NBEA: variants seen among roughly 807,000 people sequenced by gnomAD.
NBEA encodes lysosomal-trafficking regulator 2.
NBEA carries 44 observed loss-of-function variants against 343.4 expected under a neutral mutation model. The observed-to-expected ratio is 0.13, with a 90% CI of 0.10 to 0.16. The LOEUF (loss-of-function observed/expected upper bound fraction) is 0.16, where lower values mean the gene tolerates loss of function less well. NBEA is among the 10% of genes least tolerant of loss of function. The pLI is 1.00. For missense variants in NBEA, 2,555 were observed against 3,631.3 expected (o/e 0.70, Z 7.62); for synonymous variants, 1,175 against 1,238.7 (o/e 0.95, Z 1.08).
Position 35,588,275 on chromosome 13 carries a change from G to A in NBEA, c.7176+4237G>A, listed in dbSNP as rs939277412. On this transcript the variant is annotated intron_variant, in intron 46 of 58. Transcript: ENST00000379939. ...TTATGTCACGTGGTTATAAATAAAA[G>A]TATCAGTCTAATGGTTTACTAAGTA... Among the ~76,000 whole-genome samples, 3 of 152,030 alleles carry A rather than the reference G, an allele frequency of 2.0e-5. No homozygotes were observed. The East Asian group carries it at 5.8e-4, about 29-fold the overall frequency.
chr13:35,197,137 A>T (rs1203063191), intron 31 of NBEA, among the ~76,000 whole-genome samples: 1 of 152,192 alleles, frequency 6.6e-6, no homozygotes, highest in African/African-American at 2.4e-5. Context: ...CTAATTACTA[A>T]CAGTAGTACT....
At chr13:35,476,090 TGTA>T in intron 41 of NBEA, 1 of 1,614,142 alleles carries the variant, frequency 6.2e-7, no homozygotes, top group Non-Finnish European at 8.5e-7. Flanking sequence ...CATTTTTCGT[TGTA>T]GTATTTATTC....
intron 38 of NBEA, among the ~76,000 whole-genome samples, chr13:35,420,650 G>T (rs1174099877): frequency 6.6e-6 from 1 of 151,918 alleles, no homozygotes; most frequent in East Asian, 1.9e-4. Flanking sequence ...CTGGAGATTT[G>T]GGGAAAGAGG....
intron 10 of NBEA, among the ~76,000 whole-genome samples, chr13:35,097,422 AT>A (rs2065393423): frequency 6.6e-6 from 1 of 151,922 alleles, no homozygotes; most frequent in African/African-American, 2.4e-5. Context: ...TACTATTTTA[AT>A]TCATGATAAA....
At chr13:34,951,348 A>T (rs1448988947) in intron 1 of NBEA, among the ~76,000 whole-genome samples, 1 of 152,252 alleles carries the variant, frequency 6.6e-6, no homozygotes, top group Admixed American at 6.5e-5. Context: ...CTTATAAGAT[A>T]GATATACAGG....
intron 38 of NBEA, among the ~76,000 whole-genome samples, chr13:35,421,435 AC>A (rs1039369283): frequency 6.6e-6 from 1 of 152,048 alleles, no homozygotes; most frequent in Non-Finnish European, 1.5e-5. Context: ...TGAAATATAG[AC>A]ACTATGTCCT....
chr13:35,665,208 T>G (rs1312464291), intron 56 of NBEA, 22 bp downstream of exon 56: 1 of 1,527,432 alleles, frequency 6.5e-7, no homozygotes, highest in East Asian at 2.4e-5. Context: ...TTTCTTTCAT[T>G]TTCAATGTCT....
intron 1 of NBEA, among the ~76,000 whole-genome samples, chr13:35,018,636 GGTA>G (rs1180485680): frequency 6.6e-6 from 1 of 151,900 alleles, no homozygotes; most frequent in African/African-American, 2.4e-5. Flanking sequence ...AGAACTTTTG[GGTA>G]GATTCCTTAG....
chr13:35,649,625 C>G, intron 51 of NBEA, 30 bp from the exon 52 acceptor site: 7 of 1,565,964 alleles, frequency 4.5e-6, no homozygotes, highest in Non-Finnish European at 6.2e-6. Context: ...CTTTTGTCTT[C>G]CTCTGTTCTC....
intron 1 of NBEA, among the ~76,000 whole-genome samples, chr13:34,994,313 T>C (rs959929544): frequency 3.3e-5 from 5 of 151,890 alleles, no homozygotes; most frequent in African/African-American, 1.2e-4. Context: ...TTAATTTTAA[T>C]TATGTGGAAC....
chr13:35,402,068 C>G (rs1216651598), intron 38 of NBEA, among the ~76,000 whole-genome samples: 1 of 151,842 alleles, frequency 6.6e-6, no homozygotes, highest in African/African-American at 2.4e-5. Flanking sequence ...AAGCAAAATT[C>G]TGATAATTAC....
intron 7 of NBEA, among the ~76,000 whole-genome samples, chr13:35,056,513 A>C (rs1373325529): frequency 6.6e-6 from 1 of 152,150 alleles, no homozygotes; most frequent in Non-Finnish European, 1.5e-5. Flanking sequence ...CTATGGAGAA[A>C]ATAAATTGGG....
intron 1 of NBEA, among the ~76,000 whole-genome samples, chr13:34,952,824 G>T (rs1336311062): frequency 6.6e-6 from 1 of 152,044 alleles, no homozygotes; most frequent in African/African-American, 2.4e-5. Flanking sequence ...ATATTTTTAT[G>T]TTATTTAATT....
intron 18 of NBEA, among the ~76,000 whole-genome samples, chr13:35,143,923 A>G (rs1021928922): frequency 2.6e-5 from 4 of 151,906 alleles, no homozygotes; most frequent in African/African-American, 9.7e-5. Flanking sequence ...AACAAAAACA[A>G]ATTTACACTT....
intron 29 of NBEA, among the ~76,000 whole-genome samples, chr13:35,182,741 C>G (rs1475452416): frequency 1.3e-5 from 2 of 151,762 alleles, no homozygotes; most frequent in Non-Finnish European, 2.9e-5. Context: ...ATCAGTATAG[C>G]TTTGGTTTCA....
At chr13:35,497,253 TATAC>T (rs1373058687) in intron 41 of NBEA, among the ~76,000 whole-genome samples, 1 of 152,102 alleles carries the variant, frequency 6.6e-6, no homozygotes, top group Admixed American at 6.6e-5. Context: ...TATGATTTCA[TATAC>T]ACATACAAAA....
chr13:35,323,265 G>T (rs551537237), intron 36 of NBEA, among the ~76,000 whole-genome samples: 1 of 151,980 alleles, frequency 6.6e-6, no homozygotes. Context: ...ACATGCACAC[G>T]TATGTTTACT....
At chr13:35,221,421 G>T (rs2074364847) in intron 33 of NBEA, among the ~76,000 whole-genome samples, 1 of 150,858 alleles carries the variant, frequency 6.6e-6, no homozygotes, top group Non-Finnish European at 1.5e-5. Context: ...TAATTTCCTT[G>T]AATGTAAATA....
chr13:34,963,120 G>A (rs1332129919), intron 1 of NBEA, among the ~76,000 whole-genome samples: 1 of 152,024 alleles, frequency 6.6e-6, no homozygotes, highest in Non-Finnish European at 1.5e-5. Flanking sequence ...ATTAACGTGA[G>A]TCTCTTGGGT....
Sources: allele counts gnomAD v4.1 joint callset (sites outside exome capture counted in the v4.1 genomes callset), GRCh38; gene constraint gnomAD v4.1.1; transcripts MANE v1.5; gene names NCBI Gene and HGNC (gene_info 2026-07-23, HGNC 2026-07-21).